Variants in IL1RAPL2 observed in about 807,000 individuals in gnomAD.
The protein encoded by IL1RAPL2 is X-linked interleukin-1 receptor accessory protein-like 2.
In IL1RAPL2, 3 loss-of-function variants were observed where a neutral mutation model predicts 44.1. The observed-to-expected ratio is 0.07, with a 90% CI of 0.03 to 0.18. IL1RAPL2 has a LOEUF of 0.18. Ranked by LOEUF, IL1RAPL2 falls within the 10% of genes least tolerant of loss-of-function variation. The pLI, the probability that IL1RAPL2 is intolerant of heterozygous loss-of-function variation, is 1.00. For synonymous variants in IL1RAPL2, 181 were observed against 178.8 expected, an observed-to-expected ratio of 1.01 and a Z score of -0.10; for missense variants, 391 against 496.4, an observed-to-expected ratio of 0.79 and a Z score of 2.02.
intron 2 of IL1RAPL2, among the ~76,000 whole-genome samples, chrX:104,895,748 C>G (rs1923624200): frequency 8.9e-6 from 1 of 111,796 alleles, no homozygotes; most frequent in Admixed American, 9.5e-5. Context: ...AAGGCAGTGC[C>G]TCACCCTGCT....
At chrX:105,459,135 G>A (rs754807995) in intron 5 of IL1RAPL2, among the ~76,000 whole-genome samples, 1 of 111,615 alleles carries the variant, frequency 9.0e-6, no homozygotes, top group Non-Finnish European at 1.9e-5. Context: ...CAATGTTCTC[G>A]TTGCTTTTAT....
intron 2 of IL1RAPL2, among the ~76,000 whole-genome samples, chrX:104,870,515 G>A (rs1922732827): frequency 8.9e-6 from 1 of 112,346 alleles, no homozygotes; most frequent in Admixed American, 9.4e-5. Flanking sequence ...GAGATGTTAA[G>A]TAACTGGCTC....
intron 5 of IL1RAPL2, chrX:105,406,387 A>G: frequency 9.4e-7 from 1 of 1,066,356 alleles, no homozygotes; most frequent in Non-Finnish European, 1.3e-6. Flanking sequence ...GTGTGTTAGA[A>G]GAAGCAAGAT....
At position 105,718,870 on chromosome X, in the gene IL1RAPL2, A is replaced by C. The variant is rs765081170; in HGVS notation, c.902+1374A>C. On this transcript the variant is annotated intron_variant, in intron 7 of 10. Transcript: ENST00000372582. The stretch of plus-strand genomic sequence containing the variant: ...CTTGGGAGGCTGAGGTGGGCACATC[A>C]CTTGAGCCCAGGATGTTGAGGTGGC... Among the ~76,000 whole-genome samples, 172 of 111,464 alleles carry C rather than the reference A, an allele frequency of 1.5e-3. 1 individual carries two copies. The highest frequency in any genetic ancestry group is 2.8e-3 in the Non-Finnish European group (147 of 53,101).
intron 5 of IL1RAPL2, among the ~76,000 whole-genome samples, chrX:105,297,765 G>A (rs182019991): frequency 7.0e-4 from 78 of 110,954 alleles, no homozygotes; most frequent in African/African-American, 2.4e-3. Context: ...TAGGGACACA[G>A]AGCCAAACCA....
intron 2 of IL1RAPL2, among the ~76,000 whole-genome samples, chrX:105,004,847 A>G (rs965651682): frequency 1.8e-5 from 2 of 111,029 alleles, no homozygotes; most frequent in Non-Finnish European, 3.8e-5. Context: ...TTTCATCTGC[A>G]CAATGTGAGA....
rs372773064 is a variant in IL1RAPL2, at chrX:105,630,371, C to T, written c.773-86996C>T. On this transcript the variant is annotated intron_variant, in intron 6 of 10. Transcript: ENST00000372582. ...TCACAACAACCCCAGAGGTAGATAC[C>T]ATTATTCATTCAATTTTATAGATGC... 4.5e-4 allele frequency among the ~76,000 whole-genome samples: 50 copies of T among 111,364 alleles called. No individual in the cohort carries two copies. The Middle Eastern group carries it at 0.032, about 72-fold the overall frequency.
At chrX:104,718,818 A>G (rs1931626273) in intron 2 of IL1RAPL2, among the ~76,000 whole-genome samples, 1 of 112,031 alleles carries the variant, frequency 8.9e-6, no homozygotes, top group Non-Finnish European at 1.9e-5. Context: ...AGAGTCAGCA[A>G]ACATTTTTCT....
At chrX:104,773,787 C>G (rs897093222) in intron 2 of IL1RAPL2, among the ~76,000 whole-genome samples, 1 of 112,008 alleles carries the variant, frequency 8.9e-6, no homozygotes, top group African/African-American at 3.2e-5. Context: ...GGGATGAGAT[C>G]TTTAGCCATC....
At chrX:105,561,547 C>A (rs1024320121) in intron 6 of IL1RAPL2, among the ~76,000 whole-genome samples, 3 of 111,526 alleles carry the variant, frequency 2.7e-5, no homozygotes, top group Non-Finnish European at 1.9e-5. Context: ...TCTAAATGAA[C>A]GTGAGATTCC....
intron 6 of IL1RAPL2, among the ~76,000 whole-genome samples, chrX:105,501,656 C>T (rs2036396518): frequency 9.0e-6 from 1 of 111,065 alleles, no homozygotes; most frequent in African/African-American, 3.3e-5. Flanking sequence ...AACGACAAAC[C>T]CATAGAGTCT....
At chrX:105,106,041 A>G (rs776693470) in intron 2 of IL1RAPL2, among the ~76,000 whole-genome samples, 1 of 112,026 alleles carries the variant, frequency 8.9e-6, no homozygotes, top group Non-Finnish European at 1.9e-5. Context: ...ACCGGTGCAG[A>G]GATAGTGAAA....
In IL1RAPL2 at chrX:105,406,424, C is replaced by T. The variant is rs184944175; in HGVS notation, c.698-77889C>T. The T allele has an allele frequency of 2.1e-5, 23 of 1,115,470 alleles. No homozygotes were observed. In the African/African-American group the frequency reaches 3.6e-4, roughly 18 times the overall value. The allele number at this position is 1,115,470 out of a possible 1,213,427, so 91.9% of individuals were successfully genotyped here. A position where few individuals can be genotyped will look rare whatever the true frequency, so the allele number is the denominator to read the frequency against. On this transcript the variant is annotated intron_variant, in intron 5 of 10. Transcript: ENST00000372582. ...TTTTGGTATTGTCTCATTGATCTAACACCTGGAAGTGGCAATAAAGAATTC... is the reference window on the plus strand; with the variant it reads ...TTTTGGTATTGTCTCATTGATCTAATACCTGGAAGTGGCAATAAAGAATTC...
At chrX:104,623,976 C>A (rs1227220922) in intron 1 of IL1RAPL2, among the ~76,000 whole-genome samples, 2 of 111,602 alleles carry the variant, frequency 1.8e-5, no homozygotes, top group African/African-American at 6.5e-5. Context: ...AAGAGAAGTC[C>A]TCAACTTGAG....
At chrX:105,051,403 T>C (rs2147527454) in intron 2 of IL1RAPL2, among the ~76,000 whole-genome samples, 1 of 112,704 alleles carries the variant, frequency 8.9e-6, no homozygotes, top group East Asian at 2.8e-4. Flanking sequence ...TCAGAATGGG[T>C]GGGGCTCCTG....
intron 2 of IL1RAPL2, among the ~76,000 whole-genome samples, chrX:105,184,100 C>T (rs148990962): frequency 0.013 from 1,451 of 111,781 alleles, 5 homozygotes; most frequent in Non-Finnish European, 0.02. Flanking sequence ...ACTTACCCTT[C>T]CCCCACATTG....
At chrX:105,001,175 C>T (rs756444621) in intron 2 of IL1RAPL2, among the ~76,000 whole-genome samples, 1 of 111,605 alleles carries the variant, frequency 9.0e-6, no homozygotes, top group Non-Finnish European at 1.9e-5. Flanking sequence ...GCCAGCTAAC[C>T]TTTTGGTGCC....
At chrX:105,384,290 G>T (rs1229329407) in intron 5 of IL1RAPL2, among the ~76,000 whole-genome samples, 1 of 111,247 alleles carries the variant, frequency 9.0e-6, no homozygotes, top group Non-Finnish European at 1.9e-5. Flanking sequence ...TTTGTATTTG[G>T]CTAGAGATAG....
At chrX:104,955,703 C>T (rs1212981049) in intron 2 of IL1RAPL2, among the ~76,000 whole-genome samples, 1 of 110,249 alleles carries the variant, frequency 9.1e-6, no homozygotes, top group Non-Finnish European at 1.9e-5. Context: ...TTCTCAGACC[C>T]AGTACAATGT....
Sources: allele counts gnomAD v4.1 joint callset (sites outside exome capture counted in the v4.1 genomes callset), GRCh38; gene constraint gnomAD v4.1.1; transcripts MANE v1.5; gene names NCBI Gene and HGNC (gene_info 2026-07-23, HGNC 2026-07-21).